Variants in DAB1 observed in about 807,000 individuals in gnomAD.
DAB1 encodes DAB adaptor protein 1, also known as disabled homolog 1.
DAB1 carries 15 observed loss-of-function variants against 64.6 expected under a neutral mutation model. That is an observed-to-expected ratio of 0.23 (90% CI 0.16 to 0.36). DAB1 has a LOEUF of 0.36. Ranked by LOEUF, DAB1 falls within the 10% of genes least tolerant of loss-of-function variation. The probability of loss-of-function intolerance (pLI) is 1.00; values close to 1 mark genes in which losing one functional copy is unlikely to be tolerated. For missense variants in DAB1, 596 were observed against 706.7 expected (o/e 0.84, Z 1.78); for synonymous variants, 235 against 251.9 (o/e 0.93, Z 0.64).
chr1:57,506,184 T>C (rs932989581), intron 7 of DAB1, among the ~76,000 whole-genome samples: 2 of 152,188 alleles, frequency 1.3e-5, no homozygotes, highest in African/African-American at 4.8e-5. Flanking sequence ...GTTGCATTGT[T>C]AAGAAATAAA....
chr1:58,019,279 C>G (rs1419846963), intron 5 of DAB1, among the ~76,000 whole-genome samples: 1 of 152,102 alleles, frequency 6.6e-6, no homozygotes, highest in Non-Finnish European at 1.5e-5. Flanking sequence ...AGGCCCAATT[C>G]ACTGCTGGAA....
intron 5 of DAB1, among the ~76,000 whole-genome samples, chr1:57,973,358 A>G (rs995032125): frequency 1.1e-4 from 16 of 152,294 alleles, no homozygotes; most frequent in African/African-American, 3.8e-4. Context: ...AGTGAAATTG[A>G]TTTGATACTT....
chr1:58,148,840 A>T (rs1007291736), intron 5 of DAB1, among the ~76,000 whole-genome samples: 25 of 152,088 alleles, frequency 1.6e-4, no homozygotes, highest in Non-Finnish European at 3.2e-4. Flanking sequence ...CATGAGGATT[A>T]TGGGAGCTAC....
intron 2 of DAB1, among the ~76,000 whole-genome samples, chr1:57,148,869 A>G (rs1659397430): frequency 6.6e-6 from 1 of 152,220 alleles, no homozygotes; most frequent in South Asian, 2.1e-4. Context: ...CATACTGTAC[A>G]ATTCACCATT....
At chr1:58,346,781 A>C (rs1644004797) in intron 3 of DAB1, among the ~76,000 whole-genome samples, 5 of 152,242 alleles carry the variant, frequency 3.3e-5, no homozygotes, top group Admixed American at 6.5e-5. Flanking sequence ...AGAAAATAAT[A>C]GCAACTACCT....
intron 4 of DAB1, among the ~76,000 whole-genome samples, chr1:58,302,356 GT>G (rs1399451150): frequency 6.6e-6 from 1 of 152,050 alleles, no homozygotes; most frequent in African/African-American, 2.4e-5. Flanking sequence ...TGAGGCCCTG[GT>G]TCAGGAACTG....
chr1:57,602,921 G>A (rs1042404618), intron 7 of DAB1, among the ~76,000 whole-genome samples: 1 of 152,146 alleles, frequency 6.6e-6, no homozygotes, highest in African/African-American at 2.4e-5. Flanking sequence ...GGGCATGAGT[G>A]CTAGGTGGCC....
At chr1:57,811,196 C>T (rs896233519) in intron 6 of DAB1, among the ~76,000 whole-genome samples, 11 of 152,214 alleles carry the variant, frequency 7.2e-5, no homozygotes, top group African/African-American at 2.7e-4. Flanking sequence ...TATTAGATAA[C>T]TGATATGGTT....
At chr1:57,267,286 C>A (rs535781038) in intron 2 of DAB1, among the ~76,000 whole-genome samples, 23 of 151,744 alleles carry the variant, frequency 1.5e-4, no homozygotes, top group African/African-American at 5.1e-4. Flanking sequence ...TGCAACCCTG[C>A]CCACACTGTG....
At chr1:57,887,945 G>C (rs2101978272), upstream of DAB1, among the ~76,000 whole-genome samples, 1 of 152,136 alleles carries the variant, frequency 6.6e-6, no homozygotes, top group East Asian at 1.9e-4. Context: ...TGAGTGAATA[G>C]CCAAGTTGAT....
Position 57,177,531 on chromosome 1 carries a change from C to T in DAB1, c.68-32102G>A, listed in dbSNP as rs72915099. Among the ~76,000 whole-genome samples, 224 of 152,192 alleles carry T rather than the reference C, an allele frequency of 1.5e-3. 1 individual carries two copies. The highest frequency in any genetic ancestry group is 5.3e-3 in the African/African-American group (218 of 41,520). On this transcript the variant is annotated intron_variant, in intron 2 of 14. Coordinates refer to ENST00000371236, the MANE Select transcript of DAB1 (RefSeq NM_001365792.1). ...GGCACTGAAGCCATAATAAAAGCTC[C>T]CATGACTCTGCAAACCAAAGCAGTC...
At chr1:57,180,676 CCA>C (rs1569781747) in intron 2 of DAB1, among the ~76,000 whole-genome samples, 1 of 152,100 alleles carries the variant, frequency 6.6e-6, no homozygotes, top group East Asian at 1.9e-4. Context: ...GGACTCCCCC[CCA>C]CAACAAACAC....
chr1:57,365,277 A>G (rs973075460), intron 1 of DAB1, among the ~76,000 whole-genome samples: 56 of 141,814 alleles, frequency 3.9e-4, no homozygotes, highest in African/African-American at 1.4e-3. Flanking sequence ...ATATATAAAT[A>G]TATATTTATA....
chr1:57,297,763 A>T (rs1238101444), intron 1 of DAB1, among the ~76,000 whole-genome samples: 1 of 152,166 alleles, frequency 6.6e-6, no homozygotes, highest in Non-Finnish European at 1.5e-5. Flanking sequence ...TTCTGGCCTC[A>T]CTTTTCTCCT....
chr1:57,750,087 AG>A (rs1648485361), intron 6 of DAB1, among the ~76,000 whole-genome samples: 2 of 152,142 alleles, frequency 1.3e-5, no homozygotes, highest in Non-Finnish European at 2.9e-5. Context: ...CCTACAGTCA[AG>A]GCCCCACCTG....
At chr1:58,320,968 T>C (rs1204847499) in intron 4 of DAB1, among the ~76,000 whole-genome samples, 1 of 152,202 alleles carries the variant, frequency 6.6e-6, no homozygotes, top group Non-Finnish European at 1.5e-5. Flanking sequence ...TGAACCTACT[T>C]AATAGCTCTG....
At chr1:57,021,120 T>A (rs1451480185) in intron 11 of DAB1, among the ~76,000 whole-genome samples, 1 of 152,094 alleles carries the variant, frequency 6.6e-6, no homozygotes, top group African/African-American at 2.4e-5. Context: ...TTAACTAGAG[T>A]CAGAAAGCAA....
chr1:57,622,217 C>A (rs1271479146), intron 7 of DAB1, among the ~76,000 whole-genome samples: 1 of 152,130 alleles, frequency 6.6e-6, no homozygotes, highest in Non-Finnish European at 1.5e-5. Flanking sequence ...GGCATGGAGG[C>A]AGGAGGAGAG....
intron 6 of DAB1, among the ~76,000 whole-genome samples, chr1:57,653,511 A>C (rs1646280368): frequency 6.6e-6 from 1 of 152,212 alleles, no homozygotes; most frequent in South Asian, 2.1e-4. Flanking sequence ...TGCTAACACA[A>C]ATAATGTTGC....
Sources: allele counts gnomAD v4.1 joint callset (sites outside exome capture counted in the v4.1 genomes callset), GRCh38; gene constraint gnomAD v4.1.1; transcripts MANE v1.5; gene names NCBI Gene and HGNC (gene_info 2026-07-23, HGNC 2026-07-21).